The following SLC24A3 variants were observed in gnomAD, a reference collection of about 807,000 sequenced individuals.
SLC24A3 encodes solute carrier family 24 member 3.
SLC24A3 carries 28 observed loss-of-function variants against 75.8 expected under a neutral mutation model. The ratio of observed to expected loss-of-function variants is 0.37; its 90% CI spans 0.27 to 0.51. The LOEUF is 0.51. SLC24A3 is among the 20% of genes least tolerant of loss of function. The pLI is 0.94. For synonymous variants in SLC24A3, 372 were observed against 334.1 expected, an observed-to-expected ratio of 1.11 and a Z score of -1.24; for missense variants, 663 against 847.8, an observed-to-expected ratio of 0.78 and a Z score of 2.71.
chr20:19,635,703 G>A (rs1456971738), intron 6 of SLC24A3, among the ~76,000 whole-genome samples: 1 of 152,200 alleles, frequency 6.6e-6, no homozygotes, highest in Non-Finnish European at 1.5e-5. Context: ...GTGACTCGAA[G>A]ACTGGGCTCA....
chr20:19,353,006 T>G (rs1041524105), intron 2 of SLC24A3, among the ~76,000 whole-genome samples: 2 of 152,232 alleles, frequency 1.3e-5, no homozygotes, highest in Non-Finnish European at 2.9e-5. Flanking sequence ...ACAAAATACT[T>G]GCCATGGTGT....
intron 6 of SLC24A3, among the ~76,000 whole-genome samples, chr20:19,647,833 T>G (rs1202263878): frequency 1.3e-5 from 2 of 152,262 alleles, no homozygotes; most frequent in African/African-American, 4.8e-5. Context: ...GCCTTGTTTT[T>G]ATTTAAATCT....
At chr20:19,485,088 G>A (rs953065149) in intron 2 of SLC24A3, among the ~76,000 whole-genome samples, 1 of 152,098 alleles carries the variant, frequency 6.6e-6, no homozygotes, top group Admixed American at 6.5e-5. Context: ...TGTGAAATTG[G>A]TATAAGCCCT....
intron 6 of SLC24A3, among the ~76,000 whole-genome samples, chr20:19,639,292 G>A (rs1461693239): frequency 1.3e-5 from 2 of 152,040 alleles, no homozygotes; most frequent in Non-Finnish European, 2.9e-5. Flanking sequence ...GCTGATTGGT[G>A]TATTTACAAA....
At chr20:19,213,017 T>TGCGGCTCCG (rs1204773107) in intron 1 of SLC24A3, 33 bp downstream of exon 1, 71 of 1,227,642 alleles carry the variant, frequency 5.8e-5, no homozygotes, top group Non-Finnish European at 6.9e-5. Context: ...GAGTGGGCGC[T>TGCGGCTCCG]GCGGCTCCGG....
chr20:19,438,581 G>A (rs191884755), intron 2 of SLC24A3, among the ~76,000 whole-genome samples: 3 of 152,152 alleles, frequency 2.0e-5, no homozygotes, highest in Admixed American at 2.0e-4. Flanking sequence ...ACCCCTACAT[G>A]GTAGGCAGTG....
At chr20:19,393,860 A>G (rs1020190038) in intron 2 of SLC24A3, among the ~76,000 whole-genome samples, 1 of 152,202 alleles carries the variant, frequency 6.6e-6, no homozygotes, top group Admixed American at 6.5e-5. Flanking sequence ...AGAAAAATCC[A>G]CCCTAAAATT....
intron 2 of SLC24A3, among the ~76,000 whole-genome samples, chr20:19,331,696 T>C (rs1041304455): frequency 6.6e-6 from 1 of 152,190 alleles, no homozygotes; most frequent in Non-Finnish European, 1.5e-5. Flanking sequence ...TGGGCATTGG[T>C]CCATCTCAGG....
At position 19,396,757 on chromosome 20, in the gene SLC24A3, C is replaced by T. The variant is rs118184148; in HGVS notation, c.271+115670C>T. ...GGAGTATAATTTTCACTGACACTTT[C>T]ATTTGCCAGGATCATATAGTGTCTA... On this transcript the variant is annotated intron_variant, in intron 2 of 16. Transcript: ENST00000328041. Among the ~76,000 whole-genome samples, 1,376 of 152,274 alleles carry T rather than the reference C, an allele frequency of 9.0e-3. 14 individuals are homozygous for T. Among genetic ancestry groups the T allele is most frequent in the Non-Finnish European group, 0.013 (906 of 68,016 alleles).
At chr20:19,476,397 C>T (rs140665912) in intron 2 of SLC24A3, among the ~76,000 whole-genome samples, 11 of 152,242 alleles carry the variant, frequency 7.2e-5, no homozygotes, top group African/African-American at 2.4e-4. Context: ...AATGCAAAAC[C>T]ATAAAATTCC....
chr20:19,591,222 C>T (rs2031372326), intron 6 of SLC24A3, among the ~76,000 whole-genome samples: 4 of 152,170 alleles, frequency 2.6e-5, no homozygotes, highest in South Asian at 2.1e-4. Flanking sequence ...GCTCACAAAA[C>T]GTGTGTCTTG....
chr20:19,261,473 GGGACTACA>G (rs1400758886), intron 1 of SLC24A3, among the ~76,000 whole-genome samples: 1 of 152,042 alleles, frequency 6.6e-6, no homozygotes, highest in Non-Finnish European at 1.5e-5. Flanking sequence ...ATGAGTAGCT[GGGACTACA>G]GGTGTGCATC....
chr20:19,456,176 G>A (rs191610993), intron 2 of SLC24A3, among the ~76,000 whole-genome samples: 2 of 152,288 alleles, frequency 1.3e-5, no homozygotes, highest in East Asian at 3.9e-4. Context: ...AGTTAGGGTA[G>A]CCTTTGGAGG....
At chr20:19,304,370 A>T in intron 2 of SLC24A3, among the ~76,000 whole-genome samples, 1 of 152,238 alleles carries the variant, frequency 6.6e-6, no homozygotes, top group Non-Finnish European at 1.5e-5. Flanking sequence ...TTCAAAGCAG[A>T]TGTTGTTGAT....
intron 2 of SLC24A3, among the ~76,000 whole-genome samples, chr20:19,334,927 T>C (rs1314295460): frequency 6.6e-6 from 1 of 152,162 alleles, no homozygotes; most frequent in East Asian, 1.9e-4. Context: ...GGTTAGCATG[T>C]CAGTGGTGAA....
intron 1 of SLC24A3, among the ~76,000 whole-genome samples, chr20:19,267,737 C>T (rs1983209360): frequency 6.6e-6 from 1 of 152,086 alleles, no homozygotes; most frequent in African/African-American, 2.4e-5. Flanking sequence ...ATGCTCTCTC[C>T]ATAGAGCAAA....
intron 9 of SLC24A3, among the ~76,000 whole-genome samples, chr20:19,675,727 T>C (rs2032514267): frequency 1.3e-5 from 2 of 152,140 alleles, no homozygotes. Context: ...AAAATACCAA[T>C]AGATGAGCTG....
chr20:19,220,589 C>T (rs917234006), intron 1 of SLC24A3, among the ~76,000 whole-genome samples: 2 of 152,160 alleles, frequency 1.3e-5, no homozygotes, highest in Non-Finnish European at 2.9e-5. Context: ...TTTAGAGCAT[C>T]TAGGTGGAAT....
chr20:19,489,041 G>A (rs4814863), intron 2 of SLC24A3, among the ~76,000 whole-genome samples: 37,212 of 152,150 alleles, frequency 0.24, 5,029 homozygotes, highest in East Asian at 0.5. Flanking sequence ...ACCCGCATAC[G>A]TCTTCTTTGC....
Sources: allele counts gnomAD v4.1 joint callset (sites outside exome capture counted in the v4.1 genomes callset), GRCh38; gene constraint gnomAD v4.1.1; transcripts MANE v1.5; gene names NCBI Gene and HGNC (gene_info 2026-07-23, HGNC 2026-07-21).